The following ARHGEF3 variants were observed in gnomAD, a reference collection of about 807,000 sequenced individuals.
ARHGEF3 encodes the protein Rho guanine nucleotide exchange factor 3, also known as 59.8 kDA protein.
ARHGEF3 carries 28 observed loss-of-function variants against 63.2 expected under a neutral mutation model. The ratio of observed to expected loss-of-function variants is 0.44; its 90% CI spans 0.33 to 0.61. The LOEUF (loss-of-function observed/expected upper bound fraction) is 0.61. Among genes scored for constraint, ARHGEF3 ranks in the 20% least tolerant of loss-of-function variants. ARHGEF3 has a pLI of 0.03. For missense variants in ARHGEF3, 533 were observed against 659.3 expected (o/e 0.81, Z 2.10); for synonymous variants, 266 against 254.2 (o/e 1.05, Z -0.44).
chr3:56,919,206 T>TA (rs1372662171), intron 3 of ARHGEF3, among the ~76,000 whole-genome samples: 2 of 152,216 alleles, frequency 1.3e-5, no homozygotes, highest in African/African-American at 4.8e-5. Context: ...GGGTTTTATG[T>TA]AAAATCTCTC....
At chr3:56,873,440 T>C (rs1578731464) in intron 4 of ARHGEF3, among the ~76,000 whole-genome samples, 1 of 152,164 alleles carries the variant, frequency 6.6e-6, no homozygotes, top group Non-Finnish European at 1.5e-5. Flanking sequence ...TATGTGTCCA[T>C]GTGTTCTCAT....
intron 2 of ARHGEF3, among the ~76,000 whole-genome samples, chr3:56,772,989 T>A (rs1228033696): frequency 6.6e-6 from 1 of 152,138 alleles, no homozygotes; most frequent in Non-Finnish European, 1.5e-5. Context: ...CCAAGGTACT[T>A]CCACTCCGAG....
intron 3 of ARHGEF3, among the ~76,000 whole-genome samples, chr3:56,951,178 A>ATCTCCT (rs1699792732): frequency 6.6e-6 from 1 of 151,936 alleles, no homozygotes; most frequent in African/African-American, 2.4e-5. Flanking sequence ...TACCTATGTT[A>ATCTCCT]AATGACAAGT....
intron 2 of ARHGEF3, among the ~76,000 whole-genome samples, chr3:56,999,842 A>G (rs1702120685): frequency 6.6e-6 from 1 of 152,206 alleles, no homozygotes; most frequent in South Asian, 2.1e-4. Context: ...CCTCTAGTCA[A>G]CTAAAAATAA....
intron 4 of ARHGEF3, among the ~76,000 whole-genome samples, chr3:56,858,100 C>T (rs1323397285): frequency 6.6e-6 from 1 of 151,862 alleles, no homozygotes; most frequent in East Asian, 1.9e-4. Flanking sequence ...AAAAATTAGC[C>T]AGGCATGGTG....
At chr3:56,895,939 T>G (rs1376740268) in intron 3 of ARHGEF3, among the ~76,000 whole-genome samples, 1 of 152,194 alleles carries the variant, frequency 6.6e-6, no homozygotes, top group East Asian at 1.9e-4. Flanking sequence ...ATTCTGAAAT[T>G]ATCTTCTTAG....
chr3:57,003,401 C>CA (rs60214570), intron 2 of ARHGEF3, among the ~76,000 whole-genome samples: 15,423 of 43,656 alleles, frequency 0.35, 3,783 homozygotes, highest in Non-Finnish European at 0.39. Context: ...GACGCCGTCT[C>CA]AAAAAAAAAA....
At chr3:56,943,945 G>A (rs968068004) in intron 3 of ARHGEF3, among the ~76,000 whole-genome samples, 38 of 151,328 alleles carry the variant, frequency 2.5e-4, no homozygotes, top group African/African-American at 9.0e-4. Context: ...GGAAGGCTGA[G>A]GCAGGTGGAT....
At chr3:56,846,045 T>A (rs2039477638) in intron 4 of ARHGEF3, among the ~76,000 whole-genome samples, 1 of 152,228 alleles carries the variant, frequency 6.6e-6, no homozygotes. Flanking sequence ...GTTACCCTTG[T>A]GTCCCTGAGT....
At chr3:57,059,028 A>G (rs1270262780) in intron 1 of ARHGEF3, among the ~76,000 whole-genome samples, 3 of 150,250 alleles carry the variant, frequency 2.0e-5, no homozygotes, top group Non-Finnish European at 3.0e-5. Flanking sequence ...GCATTAGGAG[A>G]TATACCTAAT....
At chr3:56,906,973 C>CTTTTTTTT (rs1253595488) in intron 3 of ARHGEF3, among the ~76,000 whole-genome samples, 1 of 106,946 alleles carries the variant, frequency 9.4e-6, no homozygotes, top group African/African-American at 3.6e-5. Flanking sequence ...GGCTCACATT[C>CTTTTTTTT]TATTTTTTTT....
chr3:56,968,306 A>C (rs1300964851), intron 2 of ARHGEF3, among the ~76,000 whole-genome samples: 2 of 58,052 alleles, frequency 3.4e-5, no homozygotes, highest in African/African-American at 1.1e-4. Context: ...AATATATAAT[A>C]TATATAAAAT....
chr3:56,792,143 GAAAAT>G (rs60960730), intron 1 of ARHGEF3, among the ~76,000 whole-genome samples: 35,250 of 140,470 alleles, frequency 0.25, 5,443 homozygotes, highest in African/African-American at 0.45. Flanking sequence ...GAAAAGAAAA[GAAAAT>G]AACTGACTAC....
chr3:56,823,418 T>C (rs533461896), intron 4 of ARHGEF3, among the ~76,000 whole-genome samples: 2 of 152,098 alleles, frequency 1.3e-5, no homozygotes, highest in Non-Finnish European at 2.9e-5. Flanking sequence ...CCTAACTGCA[T>C]CTACCAGACT....
chr3:57,016,614 T>A (rs1703016227), intron 2 of ARHGEF3, among the ~76,000 whole-genome samples: 1 of 152,154 alleles, frequency 6.6e-6, no homozygotes, highest in Non-Finnish European at 1.5e-5. Flanking sequence ...TTTTATTATT[T>A]TAAAGACTTC....
chr3:56,778,311 A>T (rs1243203330), intron 1 of ARHGEF3, among the ~76,000 whole-genome samples: 3 of 152,214 alleles, frequency 2.0e-5, no homozygotes, highest in Non-Finnish European at 4.4e-5. Context: ...AAAGCCATTC[A>T]GCTAAAACAA....
intron 1 of ARHGEF3, among the ~76,000 whole-genome samples, chr3:57,053,160 C>T (rs1197969034): frequency 6.6e-6 from 1 of 152,212 alleles, no homozygotes; most frequent in Admixed American, 6.5e-5. Context: ...GCACCCCTTC[C>T]TTAAACAGCA....
chr3:57,057,213 G>C (rs1312361985), intron 1 of ARHGEF3, among the ~76,000 whole-genome samples: 1 of 152,146 alleles, frequency 6.6e-6, no homozygotes, highest in Non-Finnish European at 1.5e-5. Flanking sequence ...CTGAGTTCAA[G>C]TGATTCTCCT....
At chr3:56,802,406 GT>G (rs896726340), upstream of ARHGEF3, among the ~76,000 whole-genome samples, 9 of 151,974 alleles carry the variant, frequency 5.9e-5, no homozygotes, top group African/African-American at 2.2e-4. Context: ...GCCACTGCAC[GT>G]TTTTTTTGTT....
Sources: allele counts gnomAD v4.1 joint callset (sites outside exome capture counted in the v4.1 genomes callset), GRCh38; gene constraint gnomAD v4.1.1; transcripts MANE v1.5; gene names NCBI Gene and HGNC (gene_info 2026-07-23, HGNC 2026-07-21).